The following ELAVL2 variants were observed in gnomAD, a reference collection of about 807,000 sequenced individuals.
The protein encoded by ELAVL2 is ELAV-like protein 2.
In ELAVL2, 4 loss-of-function variants were observed where a neutral mutation model predicts 34.6. That is an observed-to-expected ratio of 0.12 (90% confidence interval 0.06 to 0.26). The LOEUF (loss-of-function observed/expected upper bound fraction) is 0.26, where lower values mean the gene tolerates loss of function less well. Ranked by LOEUF, ELAVL2 falls within the 10% of genes least tolerant of loss-of-function variation. ELAVL2 has a pLI of 1.00. For synonymous variants in ELAVL2, 193 were observed against 154.8 expected, an observed-to-expected ratio of 1.25 and a Z score of -1.83; for missense variants, 432 against 442.8, an observed-to-expected ratio of 0.98 and a Z score of 0.22.
intron 1 of ELAVL2, among the ~76,000 whole-genome samples, chr9:23,823,561 G>A (rs1429775933): frequency 1.3e-5 from 2 of 152,170 alleles, no homozygotes; most frequent in African/African-American, 4.8e-5. Flanking sequence ...TTCAGGCAAT[G>A]ACAGCAATAA....
chr9:23,691,681 AGT>A lies in ELAVL2; in HGVS notation c.*874_*875del, dbSNP rs2033234573. 1 of 152,582 alleles carries A rather than the reference AGT, an allele frequency of 6.6e-6. No homozygotes were observed. The highest frequency in any genetic ancestry group is 1.5e-5 in the Non-Finnish European group (1 of 68,000). 9.5% of individuals were successfully genotyped at this position (152,582 alleles called of 1,614,324 possible). On this transcript the variant is annotated 3_prime_UTR_variant, in exon 7 of 7. Coordinates refer to ENST00000397312, the MANE Select transcript of ELAVL2 (RefSeq NM_004432.5). The stretch of plus-strand genomic sequence containing the variant: ...TGGTGATTACAAAAATGAAACCAGC[AGT>A]GTTTCCCCCCATTGATTCTACTCCT...
chr9:23,795,855 T>C (rs1220935241), intron 1 of ELAVL2, among the ~76,000 whole-genome samples: 4 of 152,196 alleles, frequency 2.6e-5, no homozygotes, highest in African/African-American at 9.6e-5. Flanking sequence ...GGAAATAATT[T>C]CTAAGAGCTA....
intron 3 of ELAVL2, among the ~76,000 whole-genome samples, chr9:23,727,462 G>A (rs970581579): frequency 3.3e-5 from 5 of 152,140 alleles, no homozygotes; most frequent in Non-Finnish European, 7.4e-5. Context: ...AACCACAGGA[G>A]GATTATTAAG....
intron 2 of ELAVL2, among the ~76,000 whole-genome samples, chr9:23,754,683 G>C (rs1381507714): frequency 1.3e-5 from 2 of 152,234 alleles, no homozygotes; most frequent in East Asian, 1.9e-4. Flanking sequence ...GGTTGGTCTT[G>C]AATTCCTGAC....
chr9:23,695,711 A>C (rs2034921396), intron 5 of ELAVL2, among the ~76,000 whole-genome samples: 1 of 152,206 alleles, frequency 6.6e-6, no homozygotes, highest in Non-Finnish European at 1.5e-5. Context: ...ACACAATGCT[A>C]AGTATTGTGT....
At chr9:23,733,287 T>C (rs1240553946) in intron 2 of ELAVL2, among the ~76,000 whole-genome samples, 1 of 152,018 alleles carries the variant, frequency 6.6e-6, no homozygotes, top group African/African-American at 2.4e-5. Flanking sequence ...TATATGTGTA[T>C]ATGAGATGAG....
chr9:23,839,934 G>A, the ELAVL2 span, among the ~76,000 whole-genome samples: 2 of 152,070 alleles, frequency 1.3e-5, no homozygotes, highest in Non-Finnish European at 1.5e-5. Context: ...GGTAATCAAA[G>A]CAGCAAAATT....
chr9:23,813,412 CTTTTT>C (rs559247550), intron 1 of ELAVL2, among the ~76,000 whole-genome samples: 4 of 132,892 alleles, frequency 3.0e-5, no homozygotes, highest in Non-Finnish European at 4.9e-5. Flanking sequence ...CTCATATCGG[CTTTTT>C]TTTTTTTTTT....
chr9:23,708,320 C>T (rs1422965916), intron 3 of ELAVL2, among the ~76,000 whole-genome samples: 1 of 152,162 alleles, frequency 6.6e-6, no homozygotes, highest in African/African-American at 2.4e-5. Flanking sequence ...TTTGTCTGTG[C>T]CTCACAACAA....
intron 3 of ELAVL2, among the ~76,000 whole-genome samples, chr9:23,727,459 G>A (rs768371707): frequency 6.6e-6 from 1 of 152,088 alleles, no homozygotes; most frequent in Non-Finnish European, 1.5e-5. Context: ...ATGAACCACA[G>A]GAGGATTATT....
intron 1 of ELAVL2, among the ~76,000 whole-genome samples, chr9:23,808,470 G>C (rs985100459): frequency 6.6e-6 from 1 of 151,960 alleles, no homozygotes; most frequent in African/African-American, 2.4e-5. Flanking sequence ...ATGTAAACTG[G>C]CAAAATAATT....
chr9:23,711,372 A>G (rs2040902988), intron 3 of ELAVL2, among the ~76,000 whole-genome samples: 1 of 152,178 alleles, frequency 6.6e-6, no homozygotes, highest in Middle Eastern at 3.2e-3. Flanking sequence ...GATACCACGG[A>G]ATATATTTGA....
chr9:23,769,756 A>G (rs10491817), intron 1 of ELAVL2, among the ~76,000 whole-genome samples: 33 of 152,282 alleles, frequency 2.2e-4, no homozygotes, highest in Non-Finnish European at 2.4e-4. Context: ...TGCACGCGTC[A>G]TAAGGAGAAT....
chr9:23,747,492 C>G, intron 2 of ELAVL2, among the ~76,000 whole-genome samples: 1 of 152,134 alleles, frequency 6.6e-6, no homozygotes, highest in East Asian at 1.9e-4. Flanking sequence ...TTAACACTGG[C>G]TGATATTCTC....
intron 3 of ELAVL2, 53 bp from the exon 4 acceptor site, chr9:23,705,124 C>T (rs2038880109): frequency 6.3e-7 from 1 of 1,599,034 alleles, no homozygotes; most frequent in South Asian, 1.1e-5. Context: ...CACCCACCTC[C>T]CTTTAGAAAC....
intron 1 of ELAVL2, among the ~76,000 whole-genome samples, chr9:23,781,450 C>T (rs1166785166): frequency 6.6e-6 from 1 of 151,660 alleles, no homozygotes; most frequent in Non-Finnish European, 1.5e-5. Context: ...TTCCAAGTAC[C>T]AAATATTTAA....
At chr9:23,695,318 A>G (rs1202701306) in intron 5 of ELAVL2, among the ~76,000 whole-genome samples, 1 of 152,222 alleles carries the variant, frequency 6.6e-6, no homozygotes, top group Non-Finnish European at 1.5e-5. Flanking sequence ...CCCAGAATGC[A>G]GAGGCACCTT....
chr9:23,762,631 A>G lies in ELAVL2; in HGVS notation c.-15-382T>C, dbSNP rs573387502. On this transcript the variant is annotated intron_variant, in intron 1 of 6. Coordinates refer to ENST00000397312, the MANE Select transcript of ELAVL2 (RefSeq NM_004432.5). ...TCATACTAGAAAATAAAAGTGCTTA[A>G]CATGCTACAAAAATGAACAAAAAAA... Among the ~76,000 whole-genome samples the G allele has an allele frequency of 4.1e-4, 63 of 152,238 alleles. No homozygotes were observed. In the South Asian group the frequency reaches 6.4e-3, roughly 16 times the overall value.
chr9:23,761,875 G>T, intron 2 of ELAVL2, 131 bp downstream of exon 2: 1 of 1,234,972 alleles, frequency 8.1e-7, no homozygotes, highest in Non-Finnish European at 1.1e-6. Flanking sequence ...TATTGCTGAT[G>T]TAATAACAGA....
Sources: allele counts gnomAD v4.1 joint callset (sites outside exome capture counted in the v4.1 genomes callset), GRCh38; gene constraint gnomAD v4.1.1; transcripts MANE v1.5; gene names NCBI Gene and HGNC (gene_info 2026-07-23, HGNC 2026-07-21).